EPB41L3: variants seen among roughly 807,000 people sequenced by gnomAD.
EPB41L3 encodes the protein erythrocyte membrane protein band 4.1 like 3.
Under a neutral mutation model 127.1 loss-of-function variants are expected in EPB41L3, and 57 were observed. That is an observed-to-expected ratio of 0.45 (90% CI 0.36 to 0.56). The LOEUF (loss-of-function observed/expected upper bound fraction) is 0.56. EPB41L3 is among the 20% of genes least tolerant of loss of function. EPB41L3 has a pLI of 0.00. For synonymous variants in EPB41L3, 572 were observed against 549.5 expected, an observed-to-expected ratio of 1.04 and a Z score of -0.57; for missense variants, 1,273 against 1,372.2, an observed-to-expected ratio of 0.93 and a Z score of 1.14.
rs976668130 is a variant in EPB41L3 at position 5,499,359 on chromosome 18, T to C, written c.-11-10165A>G. On this transcript the variant is annotated intron_variant, in intron 1 of 22. Transcript: ENST00000341928. ...TCCTCTTTCAGAACTGGGCAATTTA[T>C]CAAAGGTATTGCTTTATGGGATCAC... Among the ~76,000 whole-genome samples the C allele has an allele frequency of 3.9e-5, 6 of 152,314 alleles. No homozygotes were observed. The South Asian group carries it at 8.3e-4, about 21-fold the overall frequency.
chr18:5,419,319 G>A (rs2077192701), intron 12 of EPB41L3, among the ~76,000 whole-genome samples: 11 of 152,168 alleles, frequency 7.2e-5, no homozygotes, highest in Admixed American at 7.2e-4. Flanking sequence ...TATGATAATT[G>A]TATATCTAGA....
chr18:5,443,577 T>C (rs1212119412), intron 5 of EPB41L3, among the ~76,000 whole-genome samples: 1 of 152,236 alleles, frequency 6.6e-6, no homozygotes, highest in East Asian at 1.9e-4. Context: ...TTTTAAATGG[T>C]TAATTGCCAA....
At chr18:5,456,770 A>G (rs2083146988) in intron 3 of EPB41L3, among the ~76,000 whole-genome samples, 1 of 152,226 alleles carries the variant, frequency 6.6e-6, no homozygotes, top group Non-Finnish European at 1.5e-5. Flanking sequence ...TGAACCCACA[A>G]TCCCAGAAAG....
intron 3 of EPB41L3, among the ~76,000 whole-genome samples, chr18:5,588,964 T>TGG (rs2094463012): frequency 1.4e-5 from 2 of 147,088 alleles, no homozygotes; most frequent in South Asian, 4.4e-4. Context: ...AAAAAAAAAA[T>TGG]GATTACTCTG....
chr18:5,543,401 C>A lies in EPB41L3; in HGVS notation c.-12+512G>T, dbSNP rs1373965443. The A allele has an allele frequency of 6.8e-6, 1 of 147,392 alleles. No individual in the cohort carries two copies. 9.1% of individuals were successfully genotyped at this position (147,392 alleles called of 1,614,324 possible). On this transcript the variant is annotated intron_variant, in intron 1 of 22. Coordinates refer to ENST00000341928, the MANE Select transcript of EPB41L3 (RefSeq NM_012307.5). This position sits in a 1 kb window ranked among gnomAD's most constrained non-coding sequence, Gnocchi z 5.2. ...GCTGAGCGCAGGGCCCCTCCCGCGG[C>A]CCGCCAGCCGCCACCCGCCCGGGCG...
chr18:5,474,931 C>T (rs757455643), intron 3 of EPB41L3, among the ~76,000 whole-genome samples: 78 of 152,170 alleles, frequency 5.1e-4, no homozygotes, highest in South Asian at 2.1e-4. Context: ...AGGTTGACAG[C>T]GATCATTAAA....
intron 3 of EPB41L3, among the ~76,000 whole-genome samples, chr18:5,448,693 G>A (rs2081881567): frequency 6.6e-6 from 1 of 152,140 alleles, no homozygotes; most frequent in Admixed American, 6.5e-5. Context: ...AATTATTTAT[G>A]AGTGGTTATT....
chr18:5,574,380 G>GCT (rs2094315624), intron 3 of EPB41L3, among the ~76,000 whole-genome samples: 1 of 142,484 alleles, frequency 7.0e-6, no homozygotes, highest in Non-Finnish European at 1.5e-5. Flanking sequence ...GCTAGAATCA[G>GCT]TTTTTTTTTT....
Position 5,415,840 on chromosome 18 carries a change from G to A in EPB41L3, c.2045C>T (p.Pro682Leu), listed in dbSNP as rs758517478. ...ASLSASLDND[P>L]SDSSEEETDS... Reference sequence around the variant, plus strand: ...CACCTCTTCCTCTGAACTGTCACTCGGGTCATTGTCTAGGGAGGCGCTCAA... The same window carrying A: ...CACCTCTTCCTCTGAACTGTCACTCAGGTCATTGTCTAGGGAGGCGCTCAA... Residue 682 changes from proline to leucine, a missense_variant, in exon 13 of 23, where the codon CCG becomes CTG. Physicochemically the swap from Pro to Leu is moderately conservative, Grantham distance 98 (BLOSUM62 -3). Transcript: ENST00000341928. 6.8e-6 allele frequency: 11 copies of A among 1,612,670 alleles called. No homozygotes were observed. The East Asian group carries it at 8.9e-5, about 13-fold the overall frequency.
chr18:5,434,615 C>T (rs986357645), intron 6 of EPB41L3, among the ~76,000 whole-genome samples: 1 of 152,168 alleles, frequency 6.6e-6, no homozygotes, highest in Admixed American at 6.5e-5. Flanking sequence ...ATTCCTATTG[C>T]TTAGTGACGT....
intron 3 of EPB41L3, among the ~76,000 whole-genome samples, chr18:5,447,066 A>G (rs552741842): frequency 6.6e-6 from 1 of 152,340 alleles, no homozygotes; most frequent in Admixed American, 6.5e-5. Flanking sequence ...TGGATGAGAG[A>G]GGCAGACTTA....
intron 3 of EPB41L3, among the ~76,000 whole-genome samples, chr18:5,551,926 A>G (rs372297736): frequency 6.6e-6 from 1 of 152,220 alleles, no homozygotes; most frequent in South Asian, 2.1e-4. Context: ...CCCAGGCAGC[A>G]GTATCTTTCA....
Position 5,393,417 on chromosome 18 carries a change from A to T in EPB41L3, c.*68T>A. 1 of 697,658 alleles carries T rather than the reference A, an allele frequency of 1.4e-6. No homozygotes were observed. The allele number at this position is 697,658 out of a possible 1,614,324, so 43.2% of individuals were successfully genotyped here. A position where few individuals can be genotyped will look rare whatever the true frequency, so the allele number is the denominator to read the frequency against. On this transcript the variant is annotated 3_prime_UTR_variant, in exon 23 of 23. Coordinates refer to ENST00000341928, the MANE Select transcript of EPB41L3 (RefSeq NM_012307.5). ...CAGTTGGGTTAGAAGAGGGAACTCCATATAGGCTCTGGTTTTCCTAACGGT... is the reference window on the plus strand; with the variant it reads ...CAGTTGGGTTAGAAGAGGGAACTCCTTATAGGCTCTGGTTTTCCTAACGGT...
At chr18:5,626,409 C>T (rs1228465279) in intron 1 of EPB41L3, among the ~76,000 whole-genome samples, 2 of 152,228 alleles carry the variant, frequency 1.3e-5, no homozygotes, top group East Asian at 1.9e-4. Context: ...CAATCATACA[C>T]ATTTTCTAAT....
intron 1 of EPB41L3, among the ~76,000 whole-genome samples, chr18:5,495,925 C>T (rs908211017): frequency 6.6e-6 from 1 of 152,194 alleles, no homozygotes; most frequent in Non-Finnish European, 1.5e-5. Context: ...CCTGATCCTA[C>T]TGACAAGGCC....
chr18:5,544,045 C>A, upstream of EPB41L3: 1 of 985,596 alleles, frequency 1.0e-6, no homozygotes, highest in South Asian at 4.7e-5. Flanking sequence ...CGCTGTTCCC[C>A]CCGCCCCCTG....
intron 1 of EPB41L3, among the ~76,000 whole-genome samples, chr18:5,628,435 G>C (rs1280461287): frequency 6.6e-6 from 1 of 152,242 alleles, no homozygotes; most frequent in Non-Finnish European, 1.5e-5. Context: ...AGAGCCCCAA[G>C]GGCGGGGGCA....
At chr18:5,575,368 G>T (rs1222694229) in intron 3 of EPB41L3, among the ~76,000 whole-genome samples, 1 of 152,070 alleles carries the variant, frequency 6.6e-6, no homozygotes, top group East Asian at 1.9e-4. Flanking sequence ...ATGGCTTGGT[G>T]CTGCCCTCAT....
intron 1 of EPB41L3, among the ~76,000 whole-genome samples, chr18:5,539,245 GCTTT>G (rs776334676): frequency 0.061 from 2,765 of 45,602 alleles, 89 homozygotes; most frequent in South Asian, 0.18. Flanking sequence ...AGACCTTTCT[GCTTT>G]CTCTCTCTCT....
Sources: allele counts gnomAD v4.1 joint callset (sites outside exome capture counted in the v4.1 genomes callset), GRCh38; gene constraint gnomAD v4.1.1; non-coding constraint Gnocchi (gnomAD v3.1); transcripts MANE v1.5; gene names NCBI Gene and HGNC (gene_info 2026-07-23, HGNC 2026-07-21).